The following DAGLA variants were observed in gnomAD, a reference collection of about 807,000 sequenced individuals.
DAGLA encodes the protein diacylglycerol lipase alpha.
A neutral mutation model predicts 102.6 loss-of-function variants in DAGLA; 22 were observed. The observed-to-expected ratio is 0.21, with a 90% CI of 0.15 to 0.31. The LOEUF is 0.31. Among genes scored for constraint, DAGLA ranks in the 10% least tolerant of loss-of-function variants. The probability of loss-of-function intolerance (pLI) is 1.00; values close to 1 mark genes in which losing one functional copy is unlikely to be tolerated. For synonymous variants in DAGLA, 578 were observed against 628.9 expected (o/e 0.92, Z 1.21); for missense variants, 927 against 1,446.6 (o/e 0.64, Z 5.83).
intron 16 of DAGLA, among the ~76,000 whole-genome samples, chr11:61,739,039 G>T (rs574551644): frequency 6.6e-6 from 1 of 152,340 alleles, no homozygotes; most frequent in Non-Finnish European, 1.5e-5. Context: ...GCTCCCACCA[G>T]ATTAGTCCTG....
At chr11:61,718,994 A>G (rs1241101186) in intron 1 of DAGLA, among the ~76,000 whole-genome samples, 1 of 152,132 alleles carries the variant, frequency 6.6e-6, no homozygotes, top group African/African-American at 2.4e-5. Flanking sequence ...CCTGCCCCGG[A>G]CCAGGTGCCA....
chr11:61,693,931 G>C (rs1472199293), intron 1 of DAGLA, among the ~76,000 whole-genome samples: 1 of 152,244 alleles, frequency 6.6e-6, no homozygotes, highest in African/African-American at 2.4e-5. Flanking sequence ...GTGGGGAGGG[G>C]ACAGCTGAGA....
Position 61,744,652 on chromosome 11 carries a change from G to GC in DAGLA, c.*164dup, listed in dbSNP as rs1268289875. On this transcript the variant is annotated 3_prime_UTR_variant, in exon 20 of 20. Coordinates refer to ENST00000257215, the MANE Select transcript of DAGLA (RefSeq NM_006133.3). Reference sequence around the variant, plus strand: ...GCTGGGGGTCCGCATCCCTACCTCAGCTTAGGACCCCCAGAGCCAAGGTGG... The same window carrying GC: ...GCTGGGGGTCCGCATCCCTACCTCAGCCTTAGGACCCCCAGAGCCAAGGTGG... The GC allele has an allele frequency of 2.0e-5, 12 of 601,182 alleles. No homozygotes were observed. Among genetic ancestry groups the GC allele is most frequent in the Non-Finnish European group, 3.4e-5 (12 of 351,840 alleles). The allele number at this position is 601,182 out of a possible 1,614,324, so 37.2% of individuals were successfully genotyped here.
chr11:61,728,028 C>A, intron 6 of DAGLA, 125 bp from the exon 7 acceptor site: 1 of 1,116,320 alleles, frequency 9.0e-7, no homozygotes. Flanking sequence ...TGGGGAGAAC[C>A]TGTCCAGGGG....
chr11:61,720,277 GC>G (rs1249931962), intron 2 of DAGLA, 27 bp downstream of exon 2: 3 of 1,605,798 alleles, frequency 1.9e-6, no homozygotes. Context: ...GGGGCCACAG[GC>G]CTGGGTTTGG....
chr11:61,711,408 C>A (rs1460890540), intron 1 of DAGLA, among the ~76,000 whole-genome samples: 1 of 152,228 alleles, frequency 6.6e-6, no homozygotes, highest in African/African-American at 2.4e-5. Context: ...CAGACCTGGT[C>A]TGGCCAGAGC....
At chr11:61,708,516 G>T (rs1327112354) in intron 1 of DAGLA, among the ~76,000 whole-genome samples, 1 of 152,056 alleles carries the variant, frequency 6.6e-6, no homozygotes, top group Non-Finnish European at 1.5e-5. Context: ...GAGTAGCTGG[G>T]ACTACAGGCT....
chr11:61,725,326 T>A (rs2065316281), intron 5 of DAGLA, among the ~76,000 whole-genome samples: 1 of 152,162 alleles, frequency 6.6e-6, no homozygotes, highest in Non-Finnish European at 1.5e-5. Flanking sequence ...ATTCTCCATC[T>A]GAGCAGCCAG....
chr11:61,723,259 G>A (rs907750844), intron 4 of DAGLA, among the ~76,000 whole-genome samples, 175 bp from the exon 5 acceptor site: 11 of 152,200 alleles, frequency 7.2e-5, no homozygotes, highest in African/African-American at 2.7e-4. Flanking sequence ...TTGTGGGTGG[G>A]CAATAGGGTG....
chr11:61,730,646 C>A (rs897708872), intron 8 of DAGLA, among the ~76,000 whole-genome samples: 29 of 152,206 alleles, frequency 1.9e-4, no homozygotes, highest in Admixed American at 1.8e-3. Flanking sequence ...CAGCCAATAA[C>A]CTCCTCAGCA....
chr11:61,681,473 C>G (rs1179450117), intron 1 of DAGLA, among the ~76,000 whole-genome samples: 2 of 152,084 alleles, frequency 1.3e-5, no homozygotes, highest in Non-Finnish European at 2.9e-5. Context: ...TCCTGAGAAG[C>G]AAGCAGGACC....
chr11:61,740,002 C>A (rs1315753414), intron 17 of DAGLA, among the ~76,000 whole-genome samples: 1 of 152,250 alleles, frequency 6.6e-6, no homozygotes, highest in Non-Finnish European at 1.5e-5. Flanking sequence ...CAGCTCACAC[C>A]TCAGTTGTCA....
intron 1 of DAGLA, among the ~76,000 whole-genome samples, chr11:61,688,866 C>T (rs181192237): frequency 1.3e-5 from 2 of 152,328 alleles, no homozygotes; most frequent in African/African-American, 2.4e-5. Context: ...GCAAGGCTCC[C>T]GGGGCACTGG....
chr11:61,720,277 G>C (rs918565045), intron 2 of DAGLA, 27 bp downstream of exon 2: 2 of 1,605,916 alleles, frequency 1.2e-6, no homozygotes, highest in Non-Finnish European at 1.7e-6. Flanking sequence ...GGGGCCACAG[G>C]CCTGGGTTTG....
rs1163400316 is a variant in DAGLA at position 61,743,773 on chromosome 11, G to C, written c.2413G>C (p.Gly805Arg). The C allele has an allele frequency of 6.2e-7, 1 of 1,612,364 alleles. No individual in the cohort carries two copies. Among genetic ancestry groups the C allele is most frequent in the Admixed American group, 1.7e-5 (1 of 59,990 alleles). Residue 805 changes from glycine to arginine, a missense_variant, in exon 20 of 20, where the codon GGC (glycine) becomes CGC (arginine). By Grantham distance (125) the Gly-to-Arg change is moderately radical. Transcript: ENST00000257215. ...CTCCTCAGGCTTCCGCAGCATCCGG[G>C]GCTCCCCCAGCCTCCACGCTGTGCT... Reference protein sequence around the residue: ...RRSSGFRSIRGSPSLHAVLER... With the variant: ...RRSSGFRSIRRSPSLHAVLER...
chr11:61,726,752 G>A (rs1457235806), intron 6 of DAGLA, among the ~76,000 whole-genome samples: 1 of 152,218 alleles, frequency 6.6e-6, no homozygotes, highest in African/African-American at 2.4e-5. Context: ...AGCCAGTGAG[G>A]TCAGGAGACC....
At chr11:61,733,291 C>T (rs771304369) in intron 9 of DAGLA, among the ~76,000 whole-genome samples, 4 of 152,196 alleles carry the variant, frequency 2.6e-5, no homozygotes, top group Non-Finnish European at 4.4e-5. Flanking sequence ...GGAGAGGGAA[C>T]AGCTGCCGAG....
At chr11:61,737,812 G>T (rs1363076963) in intron 15 of DAGLA, 57 bp downstream of exon 15, 1 of 1,449,566 alleles carries the variant, frequency 6.9e-7, no homozygotes, top group East Asian at 2.3e-5. Context: ...CCTCCTCCAG[G>T]CCTCTCCCCA....
At position 61,740,373 on chromosome 11, in the gene DAGLA, G is replaced by T. The variant is rs562263991; in HGVS notation, c.1854-90G>T. ...CTCCAAACCATGCCAGCTCTGCTGA[G>T]CAGGGCAGAGAACAGAGCCAGGAGG... On this transcript the variant is annotated intron_variant, in intron 17 of 19. Transcript: ENST00000257215. 4.6e-5 allele frequency: 70 copies of T among 1,511,500 alleles called. No homozygotes were observed. In the Middle Eastern group the frequency reaches 9.3e-4, roughly 20 times the overall value. 93.6% of individuals were successfully genotyped at this position (1,511,500 alleles called of 1,614,324 possible). A position where few individuals can be genotyped will look rare whatever the true frequency, so the allele number is the denominator to read the frequency against.
Sources: gnomAD v4.1 joint callset for allele counts (sites outside exome capture counted in the v4.1 genomes callset) on GRCh38, gnomAD v4.1.1 for gene constraint, MANE v1.5 for transcripts, NCBI Gene and HGNC (gene_info 2026-07-23, HGNC 2026-07-21) for gene names.